ST18: variants seen among roughly 807,000 people sequenced by gnomAD.
ST18 encodes suppression of tumorigenicity 18 protein.
Under a neutral mutation model 110.0 loss-of-function variants are expected in ST18, and 50 were observed. That is an observed-to-expected ratio of 0.45 (90% CI 0.36 to 0.58). The LOEUF is 0.58. Among genes scored for constraint, ST18 ranks in the 20% least tolerant of loss-of-function variants. The probability of loss-of-function intolerance (pLI) is 0.00; values close to 1 mark genes in which losing one functional copy is unlikely to be tolerated. For synonymous variants in ST18, 461 were observed against 452.4 expected (o/e 1.02, Z -0.24); for missense variants, 1,306 against 1,280.1 (o/e 1.02, Z -0.31).
chr8:52,298,496 A>G (rs561370219), intron 2 of ST18, among the ~76,000 whole-genome samples: 1 of 152,252 alleles, frequency 6.6e-6, no homozygotes, highest in Non-Finnish European at 1.5e-5. Flanking sequence ...AAAGTTATAT[A>G]TCAAAATATT....
chr8:52,158,075 C>A (rs1225239705), intron 15 of ST18, among the ~76,000 whole-genome samples: 1 of 152,244 alleles, frequency 6.6e-6, no homozygotes, highest in African/African-American at 2.4e-5. Context: ...CAGCTGACAG[C>A]AGGTGCAAAT....
chr8:52,381,982 AAC>A (rs1834755080), intron 2 of ST18, among the ~76,000 whole-genome samples: 175 of 151,546 alleles, frequency 1.2e-3, no homozygotes, highest in Admixed American at 2.5e-3. Context: ...AACAAAAAAA[AAC>A]AAAAAAACAA....
Position 52,116,398 on chromosome 8 carries a change from G to T in ST18, c.2880C>A (p.Asn960Lys). The change falls in exon 25 of 26, where the codon AAC becomes AAA. Residue 960 changes from asparagine to lysine, a missense_variant. Physicochemically the swap from Asn to Lys is moderately conservative, Grantham distance 94. Transcript: ENST00000689386. ...LQTQITSMES[N>K]LKTIEEENKL... ...TGTTCTCCTCCTCTATCGTCTTTAA[G>T]TTGCTCTCCATAGATGTGATCTACA... The T allele has an allele frequency of 6.2e-7, 1 of 1,613,706 alleles. No homozygotes were observed. Among genetic ancestry groups the T allele is most frequent in the Non-Finnish European group, 8.5e-7 (1 of 1,179,846 alleles).
intron 2 of ST18, among the ~76,000 whole-genome samples, chr8:52,370,086 C>G (rs1829703187): frequency 6.6e-6 from 1 of 152,208 alleles, no homozygotes; most frequent in Admixed American, 6.5e-5. Flanking sequence ...AGAGCTCATG[C>G]TCCATAGGAA....
At chr8:52,276,139 C>CATCA (rs1554804626) in intron 2 of ST18, among the ~76,000 whole-genome samples, 141 of 7,044 alleles carry the variant, frequency 0.02, no homozygotes, top group South Asian at 0.028. Context: ...CACACACACA[C>CATCA]CACATGCACA....
At chr8:52,336,509 A>T (rs137901330) in intron 2 of ST18, among the ~76,000 whole-genome samples, 1 of 152,326 alleles carries the variant, frequency 6.6e-6, no homozygotes, top group African/African-American at 2.4e-5. Flanking sequence ...CTCAGGAGCC[A>T]GGTCTACATT....
chr8:52,289,784 G>C (rs2095526598), intron 2 of ST18, among the ~76,000 whole-genome samples: 1 of 152,084 alleles, frequency 6.6e-6, no homozygotes, highest in Non-Finnish European at 1.5e-5. Context: ...CCATCCCAGT[G>C]GTGGGAAGCA....
chr8:52,357,179 A>C (rs1191236367), intron 2 of ST18, among the ~76,000 whole-genome samples: 1 of 152,142 alleles, frequency 6.6e-6, no homozygotes, highest in Non-Finnish European at 1.5e-5. Context: ...CGGAGTATCG[A>C]GCTTCCATCC....
rs543900897 is a variant in ST18, at chr8:52,393,359, C to T, written c.-465+15969G>A. On this transcript the variant is annotated intron_variant, in intron 2 of 25. Coordinates refer to ENST00000689386, the MANE Select transcript of ST18 (RefSeq NM_001352837.2). The stretch of plus-strand genomic sequence containing the variant: ...GAGAGAAATGTAGAGCAGAGAATAA[C>T]GCATGTGCAGCCAGCATCACCATAT... Among the ~76,000 whole-genome samples the T allele has an allele frequency of 5.5e-4, 83 of 152,260 alleles. 2 individuals are homozygous for T. In the South Asian group the frequency reaches 0.013, roughly 24 times the overall value.
chr8:52,133,109 C>T lies in ST18; in HGVS notation c.2392G>A (p.Gly798Ser), dbSNP rs749827899. Residue 798 changes from glycine to serine, a missense_variant, in exon 21 of 26, where the codon GGT becomes AGT. Gly to Ser is a moderately conservative substitution (Grantham distance 56). Coordinates refer to ENST00000689386, the MANE Select transcript of ST18 (RefSeq NM_001352837.2). Reference protein sequence around the residue: ...SLSGCPRARKGGVKMTPTKEE... With the variant: ...SLSGCPRARKSGVKMTPTKEE... ...TTGGTAGGGGTCATTTTGACACCAC[C>T]TTTCCTTGCACGAGGGCATCCGGAC... The T allele has an allele frequency of 1.2e-6, 2 of 1,614,158 alleles. No individual in the cohort carries two copies. The highest frequency in any genetic ancestry group is 4.5e-5 in the East Asian group (2 of 44,892).
At chr8:52,349,768 T>C (rs2140301858) in intron 2 of ST18, among the ~76,000 whole-genome samples, 1 of 151,772 alleles carries the variant, frequency 6.6e-6, no homozygotes, top group African/African-American at 2.4e-5. Context: ...TCAAGCCGGG[T>C]AATGTGAGGA....
chr8:52,391,465 G>A (rs1362910027), intron 2 of ST18, among the ~76,000 whole-genome samples: 4 of 152,132 alleles, frequency 2.6e-5, no homozygotes, highest in Admixed American at 1.3e-4. Context: ...TCAGTCGCGC[G>A]TCTCACAAAG....
At chr8:52,308,964 T>C (rs1181587334) in intron 2 of ST18, among the ~76,000 whole-genome samples, 5 of 152,260 alleles carry the variant, frequency 3.3e-5, no homozygotes, top group Admixed American at 6.5e-5. Context: ...TATAAGTATG[T>C]GTTAAACATT....
chr8:52,193,406 C>CA (rs1240855183), intron 8 of ST18, among the ~76,000 whole-genome samples: 2 of 152,192 alleles, frequency 1.3e-5, no homozygotes, highest in African/African-American at 4.8e-5. Context: ...CCCAAAGTCC[C>CA]ATCTCCCTGG....
Position 52,161,360 on chromosome 8 carries a change from G to A in ST18, c.1594+15C>T. ...GAAGCATTTTGGGGAAACGGCATTA[G>A]AGCTCAAAGCTTACATTCAGGAAAT... On this transcript the variant is annotated intron_variant, in intron 14 of 25. Coordinates refer to ENST00000689386, the MANE Select transcript of ST18 (RefSeq NM_001352837.2). 1.9e-6 allele frequency: 3 copies of A among 1,610,450 alleles called. No homozygotes were observed. The highest frequency in any genetic ancestry group is 2.5e-6 in the Non-Finnish European group (3 of 1,177,818).
chr8:52,305,100 T>C (rs1226027144), intron 2 of ST18, among the ~76,000 whole-genome samples: 1 of 152,188 alleles, frequency 6.6e-6, no homozygotes, highest in African/African-American at 2.4e-5. Flanking sequence ...GCTTAAGTAG[T>C]AGTAGGAAAT....
intron 2 of ST18, among the ~76,000 whole-genome samples, chr8:52,359,120 G>GA (rs34819262): frequency 0.059 from 8,873 of 149,552 alleles, 395 homozygotes; most frequent in Non-Finnish European, 0.091. Context: ...ATAGAATGGA[G>GA]AAAAAAAAAC....
intron 3 of ST18, among the ~76,000 whole-genome samples, chr8:52,229,321 C>T (rs796489682): frequency 2.0e-5 from 3 of 152,306 alleles, no homozygotes; most frequent in African/African-American, 7.2e-5. Flanking sequence ...CAGACTAAAA[C>T]CAAGTTAAGC....
intron 2 of ST18, among the ~76,000 whole-genome samples, chr8:52,387,406 C>T (rs1479386578): frequency 1.3e-5 from 2 of 152,078 alleles, no homozygotes; most frequent in Non-Finnish European, 2.9e-5. Context: ...ACTAGAGTGT[C>T]CCCCTAGGTT....
Sources: allele counts gnomAD v4.1 joint callset (sites outside exome capture counted in the v4.1 genomes callset), GRCh38; gene constraint gnomAD v4.1.1; transcripts MANE v1.5; gene names NCBI Gene and HGNC (gene_info 2026-07-23, HGNC 2026-07-21).